The following LFNG variants were observed in gnomAD, a reference collection of about 807,000 sequenced individuals.
LFNG encodes LFNG O-fucosylpeptide 3-beta-N-acetylglucosaminyltransferase.
LFNG carries 15 observed loss-of-function variants against 32.7 expected under a neutral mutation model. The ratio of observed to expected loss-of-function variants is 0.46; its 90% confidence interval spans 0.31 to 0.71. LFNG has a LOEUF of 0.71. LFNG is among the 30% of genes least tolerant of loss of function. The pLI, the probability that LFNG is intolerant of heterozygous loss-of-function variation, is 0.06. For missense variants in LFNG, 520 were observed against 545.7 expected, an observed-to-expected ratio of 0.95 and a Z score of 0.47; for synonymous variants, 274 against 246.8, an observed-to-expected ratio of 1.11 and a Z score of -1.03.
At chr7:2,514,996 A>G (rs1263427880), upstream of LFNG, among the ~76,000 whole-genome samples, 1 of 150,518 alleles carries the variant, frequency 6.6e-6, no homozygotes, top group Non-Finnish European at 1.5e-5. Flanking sequence ...CCGTCCGTCC[A>G]TCCATCTGTC....
upstream of LFNG, among the ~76,000 whole-genome samples, chr7:2,514,105 T>C (rs1779552682): frequency 6.6e-6 from 1 of 152,222 alleles, no homozygotes; most frequent in Admixed American, 6.5e-5. Context: ...GGCAGGCACA[T>C]AGTGCCTAGG....
At chr7:2,515,184 A>G (rs1427026966), upstream of LFNG, among the ~76,000 whole-genome samples, 1 of 151,548 alleles carries the variant, frequency 6.6e-6, no homozygotes, top group African/African-American at 2.4e-5. Flanking sequence ...CCATCCATCC[A>G]TCCGTCCCTC....
upstream of LFNG, among the ~76,000 whole-genome samples, chr7:2,512,932 C>G (rs1037718030): frequency 6.6e-6 from 1 of 152,090 alleles, no homozygotes; most frequent in Non-Finnish European, 1.5e-5. Flanking sequence ...CCACCTCCAC[C>G]TGCTTCACAC....
chr7:2,518,498 A>C, upstream of LFNG: 1 of 894,796 alleles, frequency 1.1e-6, no homozygotes, highest in Non-Finnish European at 1.9e-6. Context: ...CCAGACATTT[A>C]TCCAGTGAAT....
In LFNG at chr7:2,526,847, C is replaced by T; in HGVS notation, c.999C>T (p.Ser333=). The T allele has an allele frequency of 6.2e-7, 1 of 1,612,432 alleles. No homozygotes were observed. Among genetic ancestry groups the T allele is most frequent in the Non-Finnish European group, 8.5e-7 (1 of 1,179,884 alleles). Residue 333 remains serine, a synonymous_variant, in exon 7 of 8, where the codon AGC becomes AGT. Coordinates refer to ENST00000222725, the MANE Select transcript of LFNG (RefSeq NM_001040167.2). The surrounding 1 kb of genome is among the most constrained non-coding windows in gnomAD (Gnocchi z 6.9). ...TSELHEQVTL[S]YGMFENKRNA... is the part of the protein sequence containing the mutation. ...CCCGCTCCCCACAGGTGACGCTGAG[C>T]TACGGTATGTTTGAAAACAAGCGGA...
upstream of LFNG, among the ~76,000 whole-genome samples, chr7:2,514,263 C>G (rs1373112604): frequency 6.6e-6 from 1 of 152,264 alleles, no homozygotes; most frequent in Non-Finnish European, 1.5e-5. Context: ...CAGAGAGGCG[C>G]CTTTGAGCCC....
At position 2,520,141 on chromosome 7, in the gene LFNG, G is replaced by T. The variant is rs1246857069; in HGVS notation, c.280G>T (p.Ala94Ser). 7 of 1,419,866 alleles carry T rather than the reference G, an allele frequency of 4.9e-6. No homozygotes were observed. The highest frequency in any genetic ancestry group is 1.5e-5 in the African/African-American group (1 of 66,660). 88.0% of individuals were successfully genotyped at this position (1,419,866 alleles called of 1,614,324 possible). The change falls in exon 1 of 8, where the codon GCT becomes TCT. Residue 94 changes from alanine (A) to serine (S), a missense_variant. Transcript: ENST00000222725. The surrounding 1 kb of genome is among the most constrained non-coding windows in gnomAD (Gnocchi z 5.0). ...ARRDAGPPPGAAPRPADGHPR... is the reference protein window; with the variant it reads ...ARRDAGPPPGSAPRPADGHPR... ...CAGAGATGCGGGCCCGCCGCCCGGGGCTGCCCCCCGCCCCGCCGACGGCCA... is the reference window on the plus strand; with the variant it reads ...CAGAGATGCGGGCCCGCCGCCCGGGTCTGCCCCCCGCCCCGCCGACGGCCA...
At chr7:2,522,382 G>A (rs1055122518) in intron 1 of LFNG, among the ~76,000 whole-genome samples, 2 of 152,210 alleles carry the variant, frequency 1.3e-5, no homozygotes, top group African/African-American at 4.8e-5. Context: ...AGCAGGGGCC[G>A]CGCTGAGATG....
chr7:2,521,378 G>A (rs1261361652), intron 1 of LFNG, among the ~76,000 whole-genome samples: 7 of 152,192 alleles, frequency 4.6e-5, no homozygotes, highest in African/African-American at 1.2e-4. Context: ...CGGCCGGGCC[G>A]TTAGGATTCC....
downstream of LFNG, chr7:2,528,736 T>C: frequency 1.7e-6 from 1 of 599,160 alleles, no homozygotes; most frequent in Non-Finnish European, 3.0e-6. Context: ...ACCCCAAGGC[T>C]CTGGCCTGGT....
chr7:2,527,337 C>CATGTGCGTGTGT lies in LFNG; in HGVS notation c.*125_*126insATGTGCGTGTGT. 1 of 1,451,412 alleles carries CATGTGCGTGTGT rather than the reference C, an allele frequency of 6.9e-7. No individual in the cohort carries two copies. The highest frequency in any genetic ancestry group is 9.2e-7 in the Non-Finnish European group (1 of 1,087,490). 89.9% of individuals were successfully genotyped at this position (1,451,412 alleles called of 1,614,324 possible). A position where few individuals can be genotyped will look rare whatever the true frequency, so the allele number is the denominator to read the frequency against. ...GGCCGTGCCTGTGCGTGTGCGTGTG[C>CATGTGCGTGTGT]GTGTGTGTGTGTGTGTACTGCATGC... On this transcript the variant is annotated 3_prime_UTR_variant, in exon 8 of 8. Coordinates refer to ENST00000222725, the MANE Select transcript of LFNG (RefSeq NM_001040167.2). The surrounding 1 kb of genome is among the most constrained non-coding windows in gnomAD (Gnocchi z 4.4).
rs748997341 is a variant in LFNG, at chr7:2,525,200, G to A, written c.482-19G>A. On this transcript the variant is annotated intron_variant, in intron 2 of 7. Transcript: ENST00000222725. Reference sequence around the variant, plus strand: ...GGGAGCCGGCTCAGACCTACTCACAGCCGCTCCCCTGTCCACAGGCAACGT... The same window carrying A: ...GGGAGCCGGCTCAGACCTACTCACAACCGCTCCCCTGTCCACAGGCAACGT... The A allele has an allele frequency of 1.2e-5, 20 of 1,609,528 alleles. No individual in the cohort carries two copies. Among genetic ancestry groups the A allele is most frequent in the Non-Finnish European group, 1.7e-5 (20 of 1,177,518 alleles).
At chr7:2,513,082 C>T, upstream of LFNG, 1 of 1,466,998 alleles carries the variant, frequency 6.8e-7, no homozygotes, top group African/African-American at 1.4e-5. Flanking sequence ...TCTCCCTCGT[C>T]TGGGCCCTGG....
upstream of LFNG, chr7:2,518,454 G>A: frequency 6.3e-6 from 5 of 797,436 alleles, no homozygotes; most frequent in Admixed American, 5.3e-5. Context: ...GGGCTACAGC[G>A]TCCTTAGCGG....
At chr7:2,512,964 C>G (rs1279055198), upstream of LFNG, among the ~76,000 whole-genome samples, 3 of 152,184 alleles carry the variant, frequency 2.0e-5, no homozygotes, top group Non-Finnish European at 4.4e-5. Flanking sequence ...ACTGCACAAC[C>G]TCCACCTCCA....
chr7:2,514,336 C>G (rs1184063179), upstream of LFNG, among the ~76,000 whole-genome samples: 1 of 152,216 alleles, frequency 6.6e-6, no homozygotes, highest in Admixed American at 6.5e-5. Flanking sequence ...CAATGTTCAT[C>G]AAGCACCTGA....
Position 2,527,406 on chromosome 7 carries a change from G to C in LFNG, c.*194G>C, listed in dbSNP as rs950542802. The C allele has an allele frequency of 2.4e-5, 35 of 1,466,648 alleles. No homozygotes were observed. The highest frequency in any genetic ancestry group is 3.0e-5 in the Non-Finnish European group (33 of 1,109,336). The allele number at this position is 1,466,648 out of a possible 1,614,324, so 90.9% of individuals were successfully genotyped here. ...GCTGGGCAGTTCTGCTCTGTGGAGG[G>C]GCGGGCACCAGCGCCACTTATGTGC... On this transcript the variant is annotated 3_prime_UTR_variant, in exon 8 of 8. Coordinates refer to ENST00000222725, the MANE Select transcript of LFNG (RefSeq NM_001040167.2). This position sits in a 1 kb window ranked among gnomAD's most constrained non-coding sequence, Gnocchi z 4.4.
At position 2,527,667 on chromosome 7, in the gene LFNG, C is replaced by T. The variant is rs1417077363; in HGVS notation, c.*455C>T. On this transcript the variant is annotated 3_prime_UTR_variant, in exon 8 of 8. Transcript: ENST00000222725. The surrounding 1 kb of genome is among the most constrained non-coding windows in gnomAD (Gnocchi z 4.4). The stretch of plus-strand genomic sequence containing the variant: ...GGCCCCTGTGTCATAGCCCCAAGTA[C>T]GACTCACTGAGCCATGCTCATTGCA... The T allele has an allele frequency of 3.7e-5, 41 of 1,122,356 alleles. No individual in the cohort carries two copies. Among genetic ancestry groups the T allele is most frequent in the Non-Finnish European group, 4.5e-5 (41 of 907,760 alleles). 69.5% of individuals were successfully genotyped at this position (1,122,356 alleles called of 1,614,324 possible).
Position 2,527,641 on chromosome 7 carries a change from T to G in LFNG, c.*429T>G, listed in dbSNP as rs553129764. On this transcript the variant is annotated 3_prime_UTR_variant, in exon 8 of 8. Transcript: ENST00000222725. This position sits in a 1 kb window ranked among gnomAD's most constrained non-coding sequence, Gnocchi z 4.4. ...TGGGGGTACCTGTGCCCTGAAGTCC[T>G]GGCCCCTGTGTCATAGCCCCAAGTA... The G allele has an allele frequency of 8.7e-7, 1 of 1,152,504 alleles. No individual in the cohort carries two copies. Among genetic ancestry groups the G allele is most frequent in the Admixed American group, 4.0e-5 (1 of 24,896 alleles). 71.4% of individuals were successfully genotyped at this position (1,152,504 alleles called of 1,614,324 possible). A position where few individuals can be genotyped will look rare whatever the true frequency, so the allele number is the denominator to read the frequency against.
Sources: gnomAD v4.1 joint callset for allele counts (sites outside exome capture counted in the v4.1 genomes callset) on GRCh38, gnomAD v4.1.1 for gene constraint, Gnocchi (gnomAD v3.1) non-coding constraint, MANE v1.5 for transcripts, NCBI Gene and HGNC (gene_info 2026-07-23, HGNC 2026-07-21) for gene names.